APOL3: variants seen among roughly 807,000 people sequenced by gnomAD.
APOL3 encodes the protein apolipoprotein L3.
A neutral mutation model predicts 11.6 loss-of-function variants in APOL3; 14 were observed. The observed-to-expected ratio is 1.21, with a 90% CI of 0.80 to 1.89. The LOEUF (loss-of-function observed/expected upper bound fraction) is 1.89. Among genes scored for constraint, APOL3 ranks in the 40% most tolerant of loss-of-function variants. The pLI, the probability that APOL3 is intolerant of heterozygous loss-of-function variation, is 0.00. For synonymous variants in APOL3, 192 were observed against 190.6 expected, an observed-to-expected ratio of 1.01 and a Z score of -0.06; for missense variants, 483 against 492.1, an observed-to-expected ratio of 0.98 and a Z score of 0.17.
At chr22:36,142,475 A>G (rs984151549) in intron 2 of APOL3, among the ~76,000 whole-genome samples, 10 of 152,164 alleles carry the variant, frequency 6.6e-5, no homozygotes, top group African/African-American at 2.4e-4. Context: ...TAACTTTATT[A>G]GAAGAGAGGT....
intron 1 of APOL3, among the ~76,000 whole-genome samples, chr22:36,148,621 G>A (rs2060304266): frequency 6.6e-6 from 1 of 152,204 alleles, no homozygotes. Context: ...GGAGGGGACT[G>A]GCCTGTGCTG....
intron 1 of APOL3, chr22:36,149,464 G>A: frequency 1.7e-6 from 2 of 1,158,752 alleles, no homozygotes; most frequent in South Asian, 2.6e-5. Context: ...ATAGAGATGG[G>A]AAGGAACGTT....
chr22:36,146,871 T>C (rs2060240874), intron 1 of APOL3, among the ~76,000 whole-genome samples: 1 of 152,102 alleles, frequency 6.6e-6, no homozygotes, highest in Admixed American at 6.5e-5. Context: ...TTGCAGGGAT[T>C]TGGGAATTAT....
At chr22:36,163,277 A>T (rs1250266430), upstream of APOL3, among the ~76,000 whole-genome samples, 3 of 152,148 alleles carry the variant, frequency 2.0e-5, no homozygotes, top group African/African-American at 7.2e-5. Flanking sequence ...GCCGATTGGG[A>T]TTCAGATCAT....
At chr22:36,152,269 A>G (rs1419411301) in intron 1 of APOL3, among the ~76,000 whole-genome samples, 1 of 152,244 alleles carries the variant, frequency 6.6e-6, no homozygotes, top group African/African-American at 2.4e-5. Context: ...AACAAAGGCA[A>G]TTAGAAACAT....
At chr22:36,142,625 A>C (rs1482565921) in intron 2 of APOL3, among the ~76,000 whole-genome samples, 1 of 152,106 alleles carries the variant, frequency 6.6e-6, no homozygotes, top group Non-Finnish European at 1.5e-5. Flanking sequence ...TGGGGCTATT[A>C]CGTATCTTTT....
chr22:36,149,708 C>T, intron 1 of APOL3: 1 of 379,276 alleles, frequency 2.6e-6, no homozygotes, highest in South Asian at 2.0e-5. Flanking sequence ...TGATTCAAAT[C>T]CCATGTCTTC....
At chr22:36,153,303 T>C (rs980092697) in intron 1 of APOL3, 2 of 441,712 alleles carry the variant, frequency 4.5e-6, no homozygotes, top group African/African-American at 4.0e-5. Flanking sequence ...TGGTTTGGAT[T>C]GTGGTGCCAC....
At chr22:36,143,876 C>T (rs1207685392) in intron 2 of APOL3, among the ~76,000 whole-genome samples, 1 of 152,220 alleles carries the variant, frequency 6.6e-6, no homozygotes. Context: ...CTATAAATCA[C>T]TAATGCTGAA....
intron 1 of APOL3, chr22:36,156,719 G>A (rs911533764): frequency 1.0e-5 from 3 of 298,522 alleles, no homozygotes; most frequent in Non-Finnish European, 2.1e-5. Context: ...CAGGCTCCCT[G>A]AGCACTCTGC....
intron 2 of APOL3, among the ~76,000 whole-genome samples, chr22:36,142,581 A>T (rs1401462654): frequency 6.6e-6 from 1 of 152,186 alleles, no homozygotes; most frequent in Non-Finnish European, 1.5e-5. Flanking sequence ...GTTTGGCTAC[A>T]GCACAGTATA....
intron 2 of APOL3, among the ~76,000 whole-genome samples, chr22:36,143,118 A>G (rs1218305943): frequency 3.0e-5 from 4 of 133,080 alleles, no homozygotes; most frequent in Non-Finnish European, 6.8e-5. Flanking sequence ...AGCTGGGCTC[A>G]GTCTCCCTCC....
Position 36,145,468 on chromosome 22 carries a change from G to T in APOL3, c.350+5C>A. On this transcript the variant is annotated splice_donor_5th_base_variant and intron_variant, in intron 2 of 2. Transcript: ENST00000349314. ...GCCCCATGGAGGTAACCCCACGGAG[G>T]TTACCTGGGCAATTCAGCCGCAGTC... The T allele has an allele frequency of 1.2e-6, 2 of 1,614,000 alleles. No individual in the cohort carries two copies. Among genetic ancestry groups the T allele is most frequent in the Non-Finnish European group, 1.7e-6 (2 of 1,179,940 alleles).
intron 1 of APOL3, among the ~76,000 whole-genome samples, chr22:36,145,932 C>T (rs953557330): frequency 1.4e-4 from 21 of 151,692 alleles, no homozygotes; most frequent in African/African-American, 4.3e-4. Context: ...CACCCCACCC[C>T]GCCCTCGCTG....
At chr22:36,149,238 T>C (rs944600511) in intron 1 of APOL3, 96 bp from the exon 2 acceptor site, 1 of 1,306,342 alleles carries the variant, frequency 7.7e-7, no homozygotes, top group African/African-American at 1.5e-5. Context: ...CCTTTGCGTG[T>C]CAGCAAATGC....
exon 1 of APOL3, chr22:36,160,691 G>A: frequency 1.2e-6 from 2 of 1,614,238 alleles, no homozygotes. Flanking sequence ...TCTTGAAAGA[G>A]TGTGAGCAAG....
chr22:36,142,193 G>T, intron 2 of APOL3, 135 bp from the exon 4 acceptor site: 4 of 1,047,260 alleles, frequency 3.8e-6, no homozygotes, highest in Non-Finnish European at 5.2e-6. Context: ...AATTTTAAAT[G>T]GAAAAATTTA....
chr22:36,163,334 C>T (rs570182744), upstream of APOL3, among the ~76,000 whole-genome samples: 3 of 152,268 alleles, frequency 2.0e-5, no homozygotes, highest in Non-Finnish European at 2.9e-5. Context: ...CAGCCGGGAA[C>T]GAAGGGTAGG....
At position 36,147,579 on chromosome 22, in the gene APOL3, C is replaced by T. The variant is rs145472661; in HGVS notation, c.224-1980G>A. 3.8e-3 allele frequency among the ~76,000 whole-genome samples: 576 copies of T among 152,262 alleles called. 4 individuals are homozygous for T. Among genetic ancestry groups the T allele is most frequent in the Non-Finnish European group, 5.7e-3 (389 of 68,018 alleles). ...GCAGAGCCCAGTTTGCTGTCCAGGG[C>T]GGCTCCTGAGCAGATGTGACTTGGT... On this transcript the variant is annotated intron_variant, in intron 1 of 2. Transcript: ENST00000349314.
Sources: allele counts gnomAD v4.1 joint callset (sites outside exome capture counted in the v4.1 genomes callset), GRCh38; gene constraint gnomAD v4.1.1; transcripts MANE v1.5; gene names NCBI Gene and HGNC (gene_info 2026-07-23, HGNC 2026-07-21).